Variants in GLIS1 observed in about 807,000 individuals in gnomAD.
GLIS1 encodes zinc finger protein GLIS1.
GLIS1 carries 24 observed loss-of-function variants against 63.8 expected under a neutral mutation model. That is an observed-to-expected ratio of 0.38 (90% CI 0.27 to 0.53). The LOEUF (loss-of-function observed/expected upper bound fraction) is 0.53. GLIS1 is among the 20% of genes least tolerant of loss of function. GLIS1 has a pLI of 0.85. For synonymous variants in GLIS1, 450 were observed against 482.5 expected, an observed-to-expected ratio of 0.93 and a Z score of 0.88; for missense variants, 1,036 against 1,074.1, an observed-to-expected ratio of 0.96 and a Z score of 0.50.
intron 4 of GLIS1, among the ~76,000 whole-genome samples, chr1:53,563,136 C>T (rs567230901): frequency 1.3e-5 from 2 of 152,370 alleles, no homozygotes; most frequent in Non-Finnish European, 2.9e-5. Context: ...CCCCCAAGGG[C>T]AGGTACTCAA....
intron 4 of GLIS1, among the ~76,000 whole-genome samples, chr1:53,545,052 T>C (rs1020966644): frequency 2.6e-5 from 4 of 152,240 alleles, no homozygotes; most frequent in African/African-American, 2.4e-5. Flanking sequence ...TTCCTGCTCC[T>C]GTGTGCTCAT....
intron 4 of GLIS1, among the ~76,000 whole-genome samples, chr1:53,551,074 T>C (rs1024048658): frequency 4.6e-5 from 7 of 152,128 alleles, no homozygotes; most frequent in African/African-American, 1.4e-4. Flanking sequence ...TTTGAACTCC[T>C]GACCTCAGGT....
intron 7 of GLIS1, among the ~76,000 whole-genome samples, chr1:53,515,835 A>AG (rs1644347117): frequency 6.6e-6 from 1 of 151,122 alleles, no homozygotes; most frequent in Non-Finnish European, 1.5e-5. Context: ...AAAAAAAAAA[A>AG]AAAAAAAGAA....
chr1:53,515,817 A>T (rs1434755877), intron 7 of GLIS1, among the ~76,000 whole-genome samples: 4 of 95,934 alleles, frequency 4.2e-5, no homozygotes, highest in Non-Finnish European at 7.1e-5. Flanking sequence ...TATTTTATCT[A>T]AAAAAAAAAA....
At chr1:53,556,146 T>G (rs1464635507) in intron 4 of GLIS1, among the ~76,000 whole-genome samples, 1 of 126,852 alleles carries the variant, frequency 7.9e-6, no homozygotes, top group Non-Finnish European at 1.6e-5. Flanking sequence ...GTGTGTGTGG[T>G]GTACTGCAGC....
intron 4 of GLIS1, among the ~76,000 whole-genome samples, chr1:53,534,511 A>G (rs1054756613): frequency 1.3e-5 from 2 of 151,786 alleles, no homozygotes; most frequent in African/African-American, 4.9e-5. Context: ...GGGTTCAGAG[A>G]GGGAGATTGT....
intron 4 of GLIS1, among the ~76,000 whole-genome samples, chr1:53,544,291 G>A (rs1644676031): frequency 6.6e-6 from 1 of 152,194 alleles, no homozygotes; most frequent in Non-Finnish European, 1.5e-5. Context: ...ATAGGGCTGA[G>A]GACTAAGAGA....
intron 4 of GLIS1, among the ~76,000 whole-genome samples, chr1:53,553,627 G>C (rs1011748939): frequency 9.2e-5 from 14 of 152,180 alleles, no homozygotes; most frequent in African/African-American, 3.1e-4. Context: ...TGACCTTGTG[G>C]TATGGCAGGG....
chr1:53,558,022 C>T lies in GLIS1; in HGVS notation c.1321-28070G>A, dbSNP rs181822138. 4.6e-5 allele frequency among the ~76,000 whole-genome samples: 7 copies of T among 152,290 alleles called. No homozygotes were observed. The East Asian group carries it at 7.7e-4, about 17-fold the overall frequency. On this transcript the variant is annotated intron_variant, in intron 4 of 10. Transcript: ENST00000628545. ...AGGATGGTGGAGTCACTAATTAGAT[C>T]GGGAAGCAGGCTCTGGATGATGAGA...
chr1:53,552,728 G>A (rs986833249), intron 4 of GLIS1, among the ~76,000 whole-genome samples: 1 of 152,188 alleles, frequency 6.6e-6, no homozygotes, highest in Admixed American at 6.5e-5. Context: ...AGGGGCCAGA[G>A]GAGGATCCAG....
At chr1:53,726,744 T>C (rs1223716248) in intron 2 of GLIS1, among the ~76,000 whole-genome samples, 2 of 151,956 alleles carry the variant, frequency 1.3e-5, no homozygotes, top group Non-Finnish European at 2.9e-5. Context: ...GAAACCACTA[T>C]GCCCACCAGC....
intron 6 of GLIS1, among the ~76,000 whole-genome samples, chr1:53,524,572 G>T (rs1173860345): frequency 2.6e-5 from 4 of 152,210 alleles, no homozygotes; most frequent in African/African-American, 4.8e-5. Context: ...CCAGCTGGGG[G>T]TGTGGAAGGA....
At chr1:53,572,328 T>C (rs1983485) in intron 4 of GLIS1, among the ~76,000 whole-genome samples, 135,588 of 152,236 alleles carry the variant, frequency 0.89, 61,378 homozygotes, top group Non-Finnish European at 0.98. Context: ...CTCATCCTAT[T>C]GCAGCACAGT....
intron 2 of GLIS1, among the ~76,000 whole-genome samples, chr1:53,676,704 C>G (rs953367823): frequency 9.2e-5 from 14 of 152,278 alleles, no homozygotes; most frequent in Admixed American, 5.2e-4. Context: ...TCGGGCTGAG[C>G]CTTCCAGCTT....
chr1:53,687,698 C>T (rs567463826), intron 2 of GLIS1, among the ~76,000 whole-genome samples: 1 of 152,336 alleles, frequency 6.6e-6, no homozygotes, highest in East Asian at 1.9e-4. Context: ...CTTCCCATAG[C>T]ATCTAGCCAC....
chr1:53,734,209 G>C (rs1385037342), intron 2 of GLIS1: 13 of 984,956 alleles, frequency 1.3e-5, no homozygotes, highest in Non-Finnish European at 1.2e-5. Context: ...ACAGTGAAAG[G>C]GCCCAGTGAG....
At chr1:53,585,491 G>C (rs922128537) in intron 4 of GLIS1, among the ~76,000 whole-genome samples, 1 of 151,338 alleles carries the variant, frequency 6.6e-6, no homozygotes, top group African/African-American at 2.4e-5. Context: ...GAAGGGAAAG[G>C]GGTGGGGGGT....
chr1:53,586,607 A>T (rs1557465001), intron 4 of GLIS1, among the ~76,000 whole-genome samples: 1 of 152,206 alleles, frequency 6.6e-6, no homozygotes, highest in Non-Finnish European at 1.5e-5. Context: ...CTATTACCCC[A>T]ATTTCATAGG....
rs1387639569 is a variant in GLIS1 at position 53,511,078 on chromosome 1, G to A, written c.1884-1051C>T. Among the ~76,000 whole-genome samples the A allele has an allele frequency of 6.6e-6, 1 of 152,186 alleles. No homozygotes were observed. Among genetic ancestry groups the A allele is most frequent in the Admixed American group, 6.5e-5 (1 of 15,280 alleles). ...AAGCCCCTGGGCCCCGTTCACAGGG[G>A]CTAAAATGACTTTGGGATCAATGGC... On this transcript the variant is annotated intron_variant, in intron 8 of 10. Transcript: ENST00000628545. This position sits in a 1 kb window ranked among gnomAD's most constrained non-coding sequence, Gnocchi z 4.2.
Sources: allele counts gnomAD v4.1 joint callset (sites outside exome capture counted in the v4.1 genomes callset), GRCh38; gene constraint gnomAD v4.1.1; non-coding constraint Gnocchi (gnomAD v3.1); transcripts MANE v1.5; gene names NCBI Gene and HGNC (gene_info 2026-07-23, HGNC 2026-07-21).